NRG3: variants seen among roughly 807,000 people sequenced by gnomAD.
NRG3 encodes pro-neuregulin-3, membrane-bound isoform.
Under a neutral mutation model 66.9 loss-of-function variants are expected in NRG3, and 31 were observed. The ratio of observed to expected loss-of-function variants is 0.46; its 90% CI spans 0.35 to 0.63. The LOEUF is 0.63. NRG3 is among the 20% of genes least tolerant of loss of function. NRG3 has a pLI of 0.00. For missense variants in NRG3, 910 were observed against 878.9 expected (o/e 1.04, Z -0.45); for synonymous variants, 393 against 359.4 (o/e 1.09, Z -1.06).
At chr10:82,831,769 G>A (rs1195724690) in intron 3 of NRG3, among the ~76,000 whole-genome samples, 5 of 152,082 alleles carry the variant, frequency 3.3e-5, no homozygotes, top group African/African-American at 9.7e-5. Context: ...AGCTGAGATC[G>A]TGCCATTGCA....
chr10:82,572,214 A>AT (rs2045778356), intron 2 of NRG3, among the ~76,000 whole-genome samples: 1 of 151,644 alleles, frequency 6.6e-6, no homozygotes, highest in Non-Finnish European at 1.5e-5. Context: ...AGCCCTCAGC[A>AT]TTTTTTTCAG....
intron 2 of NRG3, among the ~76,000 whole-genome samples, chr10:82,468,092 C>A (rs1357811654): frequency 6.6e-6 from 1 of 152,142 alleles, no homozygotes; most frequent in Non-Finnish European, 1.5e-5. Flanking sequence ...GTATTAGTGT[C>A]CTCTTTATAT....
At chr10:81,942,785 A>G (rs1848510704) in intron 1 of NRG3, among the ~76,000 whole-genome samples, 1 of 152,204 alleles carries the variant, frequency 6.6e-6, no homozygotes, top group South Asian at 2.1e-4. Flanking sequence ...CTACGAGGAC[A>G]GCAATAACTG....
chr10:82,191,449 C>T (rs557249008), intron 1 of NRG3, among the ~76,000 whole-genome samples: 1 of 152,242 alleles, frequency 6.6e-6, no homozygotes, highest in Non-Finnish European at 1.5e-5. Context: ...TCCCACTGTT[C>T]AGCCATGGCT....
At chr10:82,107,953 G>A (rs2067167660) in intron 1 of NRG3, among the ~76,000 whole-genome samples, 2 of 152,150 alleles carry the variant, frequency 1.3e-5, no homozygotes, top group Non-Finnish European at 1.5e-5. Context: ...TTAAATGAGG[G>A]TGATGGCCAG....
chr10:82,214,250 C>T (rs1564670799), intron 1 of NRG3, among the ~76,000 whole-genome samples: 1 of 152,014 alleles, frequency 6.6e-6, no homozygotes, highest in Non-Finnish European at 1.5e-5. Context: ...GGAGAAGGGA[C>T]CAAGCCTCCC....
chr10:82,732,853 A>G (rs988486434), intron 2 of NRG3, among the ~76,000 whole-genome samples: 1 of 152,202 alleles, frequency 6.6e-6, no homozygotes, highest in Admixed American at 6.5e-5. Flanking sequence ...TTCCCCAACC[A>G]AGGACTGACA....
Position 81,875,365 on chromosome 10 carries a change from T to C in NRG3, c.25T>C (p.Ser9Pro). MSEGAAAASPPGAASAAAA... is the reference protein window; with the variant it reads MSEGAAAAPPPGAASAAAA... Reference sequence around the variant, plus strand: ...GATGAGTGAAGGGGCGGCCGCTGCCTCGCCACCTGGTGCCGCTTCGGCAGC... The same window carrying C: ...GATGAGTGAAGGGGCGGCCGCTGCCCCGCCACCTGGTGCCGCTTCGGCAGC... The change falls in exon 1 of 9, where the codon TCG becomes CCG. Residue 9 changes from serine to proline, a missense_variant. Ser to Pro is a moderately conservative substitution (Grantham distance 74). Coordinates refer to ENST00000372141, the MANE Select transcript of NRG3 (RefSeq NM_001010848.4). The surrounding 1 kb of genome is among the most constrained non-coding windows in gnomAD (Gnocchi z 5.3). The C allele has an allele frequency of 1.0e-6, 1 of 989,708 alleles. No homozygotes were observed. The highest frequency in any genetic ancestry group is 1.8e-5 in the African/African-American group (1 of 56,200). 61.3% of individuals were successfully genotyped at this position (989,708 alleles called of 1,614,324 possible). A position where few individuals can be genotyped will look rare whatever the true frequency, so the allele number is the denominator to read the frequency against.
intron 2 of NRG3, among the ~76,000 whole-genome samples, chr10:82,396,060 G>A (rs1287128277): frequency 6.6e-6 from 1 of 152,176 alleles, no homozygotes; most frequent in Non-Finnish European, 1.5e-5. Context: ...TATGTAATCT[G>A]TAGTATGGAG....
At chr10:82,700,180 A>G (rs2055753919) in intron 2 of NRG3, among the ~76,000 whole-genome samples, 1 of 152,178 alleles carries the variant, frequency 6.6e-6, no homozygotes. Context: ...TAGATCGCAC[A>G]CTAAATATGG....
intron 2 of NRG3, among the ~76,000 whole-genome samples, chr10:82,534,609 A>G (rs1847637163): frequency 6.6e-6 from 1 of 152,112 alleles, no homozygotes; most frequent in African/African-American, 2.4e-5. Context: ...AAATAATCAA[A>G]TAGCCAAATC....
intron 1 of NRG3, among the ~76,000 whole-genome samples, chr10:81,964,113 A>G (rs1487740658): frequency 6.6e-6 from 1 of 152,158 alleles, no homozygotes; most frequent in African/African-American, 2.4e-5. Context: ...AATGTTATCA[A>G]TTTTGTGTAC....
chr10:82,565,014 G>T (rs1020777497), intron 2 of NRG3, among the ~76,000 whole-genome samples: 1 of 151,998 alleles, frequency 6.6e-6, no homozygotes, highest in Non-Finnish European at 1.5e-5. Context: ...AGATGACAGG[G>T]CAAAAAGAAC....
intron 1 of NRG3, among the ~76,000 whole-genome samples, chr10:82,045,004 G>T (rs2063213024): frequency 6.6e-6 from 1 of 151,462 alleles, no homozygotes; most frequent in African/African-American, 2.4e-5. Context: ...CTTTGCTATT[G>T]TGAATAGTGC....
intron 2 of NRG3, among the ~76,000 whole-genome samples, chr10:82,700,401 C>T (rs2055771368): frequency 6.6e-6 from 1 of 152,132 alleles, no homozygotes; most frequent in Admixed American, 6.6e-5. Context: ...TTCCATCTTT[C>T]CCCATGGGAG....
At chr10:82,195,637 A>G (rs2074408356) in intron 1 of NRG3, among the ~76,000 whole-genome samples, 1 of 152,068 alleles carries the variant, frequency 6.6e-6, no homozygotes, top group Admixed American at 6.5e-5. Context: ...CCCAACCCCC[A>G]GAACATGTGA....
intron 4 of NRG3, among the ~76,000 whole-genome samples, chr10:82,937,433 T>G (rs1848184978): frequency 6.6e-6 from 1 of 152,238 alleles, no homozygotes; most frequent in African/African-American, 2.4e-5. Context: ...AACAGATCTG[T>G]GCTTTCCGAC....
At chr10:82,126,156 A>G (rs1473564747) in intron 1 of NRG3, among the ~76,000 whole-genome samples, 2 of 152,108 alleles carry the variant, frequency 1.3e-5, no homozygotes, top group African/African-American at 4.8e-5. Flanking sequence ...GAATTTCACC[A>G]TTAATGAAGA....
In NRG3 at chr10:82,662,229, A is replaced by G. The variant is rs938153615; in HGVS notation, c.954-76348A>G. Among the ~76,000 whole-genome samples, 2 of 144,680 alleles carry G rather than the reference A, an allele frequency of 1.4e-5. 1 individual carries two copies. Among genetic ancestry groups the G allele is most frequent in the Non-Finnish European group, 3.1e-5 (2 of 64,556 alleles). The allele number at this position is 144,680 out of a possible 152,430, so 94.9% of individuals were successfully genotyped here. Reference sequence around the variant, plus strand: ...GACTTTTATATATGAATACAAAGCAACTCACGAAGTAGGGTGTGGGTTGGG... The same window carrying G: ...GACTTTTATATATGAATACAAAGCAGCTCACGAAGTAGGGTGTGGGTTGGG... On this transcript the variant is annotated intron_variant, in intron 2 of 8. Transcript: ENST00000372141.
Sources: allele counts gnomAD v4.1 joint callset (sites outside exome capture counted in the v4.1 genomes callset), GRCh38; gene constraint gnomAD v4.1.1; non-coding constraint Gnocchi (gnomAD v3.1); transcripts MANE v1.5; gene names NCBI Gene and HGNC (gene_info 2026-07-23, HGNC 2026-07-21).